The following TRIM64 variants were observed in gnomAD, a reference collection of about 807,000 sequenced individuals.
TRIM64 encodes tripartite motif-containing protein 64.
TRIM64 carries 3 observed loss-of-function variants against 10.6 expected under a neutral mutation model. The ratio of observed to expected loss-of-function variants is 0.28; its 90% CI spans 0.13 to 0.73. The LOEUF is 0.73. Ranked by LOEUF, TRIM64 falls within the 30% of genes least tolerant of loss-of-function variation. The pLI, the probability that TRIM64 is intolerant of heterozygous loss-of-function variation, is 0.71. For synonymous variants in TRIM64, 8 were observed against 56.0 expected (o/e 0.14, Z 3.83); for missense variants, 29 against 152.0 (o/e 0.19, Z 4.25).
At chr11:89,968,289 G>A (rs1950430114), upstream of TRIM64, among the ~76,000 whole-genome samples, 1 of 21,034 alleles carries the variant, frequency 4.8e-5, no homozygotes, top group East Asian at 9.0e-4. Flanking sequence ...GTCCTTGACC[G>A]AATCTTCGAT....
intron 4 of TRIM64, among the ~76,000 whole-genome samples, chr11:89,971,797 C>T (rs1322229200): frequency 1.9e-5 from 1 of 53,158 alleles, no homozygotes; most frequent in African/African-American, 6.1e-5. Flanking sequence ...AGATTAAAGC[C>T]TTTTGTCTCA....
At chr11:89,966,751 G>A (rs1289981252), upstream of TRIM64, among the ~76,000 whole-genome samples, 1 of 35,536 alleles carries the variant, frequency 2.8e-5, no homozygotes, top group Non-Finnish European at 5.2e-5. Flanking sequence ...TCCTGGCGTG[G>A]TGGTGGGCAC....
chr11:89,971,580 T>TA (rs746672204), intron 4 of TRIM64, among the ~76,000 whole-genome samples: 916 of 39,816 alleles, frequency 0.023, 324 homozygotes, highest in African/African-American at 0.07. Context: ...GGTGGGAGGT[T>TA]AAAAAAAAAA....
chr11:89,967,361 G>A (rs2134762148), upstream of TRIM64, among the ~76,000 whole-genome samples: 1 of 15,980 alleles, frequency 6.3e-5, no homozygotes, highest in South Asian at 2.3e-3. Flanking sequence ...TTAGATAAAA[G>A]CTACTTTATT....
upstream of TRIM64, among the ~76,000 whole-genome samples, chr11:89,967,784 CTT>C (rs373518849): frequency 1.7e-4 from 6 of 35,126 alleles, no homozygotes; most frequent in Non-Finnish European, 2.6e-4. Context: ...TGAATATGTA[CTT>C]TTTTTTTTTT....
At chr11:89,966,498 T>C (rs1950425066), upstream of TRIM64, among the ~76,000 whole-genome samples, 1 of 53,530 alleles carries the variant, frequency 1.9e-5, no homozygotes, top group Non-Finnish European at 3.8e-5. Context: ...ACGTTAAAAA[T>C]GTTGAATTAC....
chr11:89,971,663 A>G lies in TRIM64; in HGVS notation c.758+408A>G, dbSNP rs1300925222. On this transcript the variant is annotated intron_variant, in intron 4 of 5. Coordinates refer to ENST00000533122, the Ensembl canonical transcript of TRIM64. The stretch of plus-strand genomic sequence containing the variant: ...GGATGTTTTGCTCCTAAAAGCATCA[A>G]TGACCCGGGCCTGCTCCATCACCAT... Among the ~76,000 whole-genome samples the G allele has an allele frequency of 7.8e-5, 4 of 51,156 alleles. 1 individual carries two copies. Among genetic ancestry groups the G allele is most frequent in the African/African-American group, 1.3e-4 (2 of 15,556 alleles). The allele number at this position is 51,156 out of a possible 152,430, so 33.6% of individuals were successfully genotyped here.
At chr11:89,966,603 C>T (rs1284228523), upstream of TRIM64, among the ~76,000 whole-genome samples, 2 of 46,234 alleles carry the variant, frequency 4.3e-5, no homozygotes, top group South Asian at 7.2e-4. Context: ...TAGATTTAAT[C>T]GGCTGGGCAT....
chr11:89,970,421 A>G lies in TRIM64; in HGVS notation c.682A>G (p.Met228Val). 13 of 544,240 alleles carry G rather than the reference A, an allele frequency of 2.4e-5. 5 individuals are homozygous for G. The highest frequency in any genetic ancestry group is 3.1e-5 in the Non-Finnish European group (13 of 415,608). 33.7% of individuals were successfully genotyped at this position (544,240 alleles called of 1,614,324 possible). Residue 228 changes from methionine (M) to valine (V), a missense_variant, in exon 3 of 6, where the codon ATG becomes GTG. Met to Val is a conservative substitution (Grantham distance 21). Transcript: ENST00000533122. ...CCAACATTTAGAAAGGATGAAAGAC[A>G]TGTACAGAGAGCTGTGGGAGACATG...
At chr11:89,973,300 T>C in intron 5 of TRIM64, 96 bp from the exon 7 acceptor site, 1 of 204,732 alleles carries the variant, frequency 4.9e-6, no homozygotes, top group Non-Finnish European at 7.3e-6. Flanking sequence ...CTTTTTTCTG[T>C]ATTTTCTTGG....
upstream of TRIM64, among the ~76,000 whole-genome samples, chr11:89,966,653 G>C (rs1383173747): frequency 4.9e-5 from 2 of 40,744 alleles, no homozygotes; most frequent in Non-Finnish European, 9.0e-5. Flanking sequence ...GAGAGGCCAA[G>C]GCAGGCAGAT....
upstream of TRIM64, among the ~76,000 whole-genome samples, chr11:89,967,097 T>TG (rs1950427477): frequency 3.6e-5 from 1 of 28,160 alleles, no homozygotes; most frequent in East Asian, 7.4e-4. Context: ...TCACTTTTTT[T>TG]TTGTTATTTT....
At chr11:89,967,563 A>G (rs1167596114), upstream of TRIM64, among the ~76,000 whole-genome samples, 5 of 34,012 alleles carry the variant, frequency 1.5e-4, no homozygotes, top group African/African-American at 1.4e-3. Context: ...AAATCATCCC[A>G]GCTTTTACCC....
chr11:89,971,420 T>G lies in TRIM64; in HGVS notation c.758+165T>G, dbSNP rs1950437622. 9.0e-5 allele frequency among the ~76,000 whole-genome samples: 4 copies of G among 44,316 alleles called. 2 individuals carry two copies. The highest frequency in any genetic ancestry group is 1.8e-4 in the Non-Finnish European group (4 of 21,638). 29.1% of individuals were successfully genotyped at this position (44,316 alleles called of 152,430 possible). On this transcript the variant is annotated intron_variant, in intron 4 of 5. Coordinates refer to ENST00000533122, the Ensembl canonical transcript of TRIM64. ...TCTTTGGTCTGGAAAGTTTTCATCTTAAAATTTGTATGAATTAAAATATAC... is the reference window on the plus strand; with the variant it reads ...TCTTTGGTCTGGAAAGTTTTCATCTGAAAATTTGTATGAATTAAAATATAC...
upstream of TRIM64, among the ~76,000 whole-genome samples, chr11:89,966,490 G>A (rs1285371622): frequency 3.3e-4 from 18 of 54,702 alleles, no homozygotes; most frequent in African/African-American, 1.0e-3. Context: ...CAAAGCGAAC[G>A]TTAAAAATGT....
intron 4 of TRIM64, among the ~76,000 whole-genome samples, chr11:89,971,667 C>A (rs1411211036): frequency 2.0e-5 from 1 of 50,878 alleles, no homozygotes; most frequent in African/African-American, 6.5e-5. Context: ...GCATCAATGA[C>A]CCGGGCCTGC....
At chr11:89,971,446 A>G (rs1351506506) in intron 4 of TRIM64, among the ~76,000 whole-genome samples, 191 bp downstream of exon 5, 1 of 47,624 alleles carries the variant, frequency 2.1e-5, no homozygotes, top group East Asian at 6.9e-4. Context: ...TAAAATATAC[A>G]TAAAAACAAT....
exon 1 of TRIM64, chr11:89,968,841 C>G: frequency 2.0e-6 from 1 of 506,414 alleles, no homozygotes. Flanking sequence ...CTCTGTGGGC[C>G]CTGCTCTGAG....
chr11:89,967,916 G>T (rs1246862739), upstream of TRIM64, among the ~76,000 whole-genome samples: 1 of 35,530 alleles, frequency 2.8e-5, no homozygotes, highest in Non-Finnish European at 5.2e-5. Context: ...CGAATAGCTG[G>T]GACTACAGGC....
Sources: allele counts gnomAD v4.1 joint callset (sites outside exome capture counted in the v4.1 genomes callset), GRCh38; gene constraint gnomAD v4.1.1; transcripts MANE v1.5; gene names NCBI Gene and HGNC (gene_info 2026-07-23, HGNC 2026-07-21).